The following CD74 variants were observed in gnomAD, a reference collection of about 807,000 sequenced individuals.
The protein encoded by CD74 is CD74 molecule, also known as HLA class II histocompatibility antigen gamma chain.
In CD74, 20 loss-of-function variants were observed where a neutral mutation model predicts 37.1. The ratio of observed to expected loss-of-function variants is 0.54; its 90% CI spans 0.38 to 0.78. The LOEUF is 0.78. CD74 is among the 30% of genes least tolerant of loss of function. The pLI, the probability that CD74 is intolerant of heterozygous loss-of-function variation, is 0.00. For missense variants in CD74, 338 were observed against 389.5 expected (o/e 0.87, Z 1.11); for synonymous variants, 150 against 152.0 (o/e 0.99, Z 0.10).
At position 150,403,350 on chromosome 5, in the gene CD74, T is replaced by C. The variant is rs771333988; in HGVS notation, c.626-38A>G. 2.0e-5 allele frequency: 32 copies of C among 1,581,354 alleles called. No homozygotes were observed. Among genetic ancestry groups the C allele is most frequent in the Admixed American group, 3.3e-5 (2 of 59,936 alleles). ...GCATGATGAGGACACAGTGAGTGAG[T>C]GAGCTCTGAACCAGGGTCTGAGCAG... On this transcript the variant is annotated intron_variant, in intron 6 of 8. Coordinates refer to ENST00000009530, the MANE Select transcript of CD74 (RefSeq NM_001025159.3). This position sits in a 1 kb window ranked among gnomAD's most constrained non-coding sequence, Gnocchi z 4.5.
chr5:150,412,335 T>A (rs536467173), intron 1 of CD74, among the ~76,000 whole-genome samples: 1 of 152,296 alleles, frequency 6.6e-6, no homozygotes, highest in Non-Finnish European at 1.5e-5. Context: ...GCATAGCATG[T>A]GAAACTCTAG....
chr5:150,405,890 T>C (rs1018249653), intron 4 of CD74: 23 of 199,328 alleles, frequency 1.2e-4, no homozygotes, highest in Admixed American at 1.0e-3. Context: ...TTCTCCTGCC[T>C]CAACCTCATG....
At chr5:150,405,035 C>T (rs2151177812) in intron 5 of CD74, 50 bp downstream of exon 5, 2 of 1,555,762 alleles carry the variant, frequency 1.3e-6, no homozygotes, top group East Asian at 2.2e-5. Flanking sequence ...CTAGCCCTGC[C>T]CTAGACACCA....
rs1581254271 is a variant in CD74, at chr5:150,407,081, G to T, written c.298+71C>A. On this transcript the variant is annotated intron_variant, in intron 2 of 8. Coordinates refer to ENST00000009530, the MANE Select transcript of CD74 (RefSeq NM_001025159.3). The surrounding 1 kb of genome is among the most constrained non-coding windows in gnomAD (Gnocchi z 4.4). ...GAGAGGACAGTGGGCCCAGCTGGGT[G>T]CAGGGATGCGGGTCTCTGAGTTGAG... is the stretch of plus-strand genomic sequence containing the variant. The T allele has an allele frequency of 2.5e-6, 4 of 1,570,528 alleles. No homozygotes were observed. Among genetic ancestry groups the T allele is most frequent in the Middle Eastern group, 1.7e-4 (1 of 5,888 alleles).
rs1769977530 is a variant in CD74, at chr5:150,406,633, T to C, written c.378+248A>G. 7 of 587,332 alleles carry C rather than the reference T, an allele frequency of 1.2e-5. No homozygotes were observed. In the South Asian group the frequency reaches 1.5e-4, roughly 12 times the overall value. 36.4% of individuals were successfully genotyped at this position (587,332 alleles called of 1,614,324 possible). ...AATGGGAGAGGACAGTGAGATGCTA[T>C]AGGAAATGAGAAGCACTTTGTAAAC... On this transcript the variant is annotated intron_variant, in intron 3 of 8. Coordinates refer to ENST00000009530, the MANE Select transcript of CD74 (RefSeq NM_001025159.3).
Position 150,407,063 on chromosome 5 carries a change from C to G in CD74, c.298+89G>C. ...GGAATTCCAAACCGGAGGGAGAGGA[C>G]AGTGGGCCCAGCTGGGTGCAGGGAT... On this transcript the variant is annotated intron_variant, in intron 2 of 8. Coordinates refer to ENST00000009530, the MANE Select transcript of CD74 (RefSeq NM_001025159.3). This position sits in a 1 kb window ranked among gnomAD's most constrained non-coding sequence, Gnocchi z 4.4. The G allele has an allele frequency of 6.5e-7, 1 of 1,549,934 alleles. No individual in the cohort carries two copies.
At chr5:150,406,764 C>T (rs1194968205) in intron 3 of CD74, 117 bp downstream of exon 3, 3 of 666,694 alleles carry the variant, frequency 4.5e-6, no homozygotes, top group East Asian at 5.6e-5. Flanking sequence ...ACTGTCCCTC[C>T]CGCAGCAGTC....
chr5:150,402,893 G>A lies in CD74; in HGVS notation c.817+228C>T, dbSNP rs1769721846. 6.6e-6 allele frequency among the ~76,000 whole-genome samples: 1 copy of A among 152,164 alleles called. No individual in the cohort carries two copies. Among genetic ancestry groups the A allele is most frequent in the Non-Finnish European group, 1.5e-5 (1 of 68,034 alleles). ...GAAATTCACAGATGAAAGGACTGAC[G>A]GATAAGTGAACAAATATGAGTGCAT... On this transcript the variant is annotated intron_variant, in intron 7 of 8. Transcript: ENST00000009530. The surrounding 1 kb of genome is among the most constrained non-coding windows in gnomAD (Gnocchi z 4.2).
At chr5:150,412,192 T>G (rs2151186845) in intron 1 of CD74, among the ~76,000 whole-genome samples, 1 of 152,366 alleles carries the variant, frequency 6.6e-6, no homozygotes, top group East Asian at 1.9e-4. Context: ...CTCGAACTCC[T>G]GGCCTCAGCT....
In CD74 at chr5:150,407,653, G is replaced by A. The variant is rs935684022; in HGVS notation, c.126-329C>T. Among the ~76,000 whole-genome samples the A allele has an allele frequency of 6.6e-6, 1 of 152,196 alleles. No individual in the cohort carries two copies. The highest frequency in any genetic ancestry group is 2.4e-5 in the African/African-American group (1 of 41,434). On this transcript the variant is annotated intron_variant, in intron 1 of 8. Transcript: ENST00000009530. The surrounding 1 kb of genome is among the most constrained non-coding windows in gnomAD (Gnocchi z 4.4). ...CTTAGGGTCCTGCCTGTGCGATGAG[G>A]GGTTGAGGTGGGGGGGTCTTCCCAG...
At chr5:150,404,654 C>G (rs1769843102) in intron 6 of CD74, 26 bp downstream of exon 6, 1 of 1,480,922 alleles carries the variant, frequency 6.8e-7, no homozygotes, top group Non-Finnish European at 9.2e-7. Flanking sequence ...GAAGCCCTGG[C>G]ACGCTAAAGC....
Position 150,401,714 on chromosome 5 carries a change from A to AC in CD74, c.*525dup, listed in dbSNP as rs1219632772. 24 of 568,806 alleles carry AC rather than the reference A, an allele frequency of 4.2e-5. No individual in the cohort carries two copies. Among genetic ancestry groups the AC allele is most frequent in the Admixed American group, 3.4e-4 (11 of 32,256 alleles). 35.2% of individuals were successfully genotyped at this position (568,806 alleles called of 1,614,324 possible). Reference sequence around the variant, plus strand: ...TAACAAGCTTGGCTGAGCAGAGGGAACTAGGGGTCGGCAGAAAGGATTATG... The same window carrying AC: ...TAACAAGCTTGGCTGAGCAGAGGGAACCTAGGGGTCGGCAGAAAGGATTATG... On this transcript the variant is annotated 3_prime_UTR_variant, in exon 9 of 9. Coordinates refer to ENST00000009530, the MANE Select transcript of CD74 (RefSeq NM_001025159.3).
Position 150,412,643 on chromosome 5 carries a change from C to T in CD74, c.107G>A (p.Arg36His), listed in dbSNP as rs1455361392. 3.1e-6 allele frequency: 5 copies of T among 1,613,426 alleles called. No homozygotes were observed. The highest frequency in any genetic ancestry group is 1.3e-5 in the African/African-American group (1 of 75,030). The change falls in exon 1 of 9, where the codon CGC (arginine) becomes CAC (histidine). Residue 36 changes from arginine (R) to histidine (H), a missense_variant. Transcript: ENST00000009530. ...CACATACCTCTCCGGGGCCCCAGGG[C>T]GCCGGCCCAGCATGGGCAGTTGCTC... ...NNEQLPMLGR[R>H]PGAPESKCSR...
chr5:150,407,001 C>A lies in CD74; in HGVS notation c.299-41G>T. On this transcript the variant is annotated intron_variant, in intron 2 of 8. Coordinates refer to ENST00000009530, the MANE Select transcript of CD74 (RefSeq NM_001025159.3). The surrounding 1 kb of genome is among the most constrained non-coding windows in gnomAD (Gnocchi z 4.4). ...CGAGGGTAAGTGTGGCCCCGGTGCC[C>A]AGGGAGGAGGGTATCAGACCCAGAT... 6.4e-7 allele frequency: 1 copy of A among 1,553,920 alleles called. No individual in the cohort carries two copies. The highest frequency in any genetic ancestry group is 8.7e-7 in the Non-Finnish European group (1 of 1,145,124).
In CD74 at chr5:150,403,318, G is replaced by T. The variant is rs2151170379; in HGVS notation, c.626-6C>A. 6.2e-7 allele frequency: 1 copy of T among 1,613,822 alleles called. No homozygotes were observed. On this transcript the variant is annotated splice_region_variant and splice_polypyrimidine_tract_variant and intron_variant, in intron 6 of 8. Coordinates refer to ENST00000009530, the MANE Select transcript of CD74 (RefSeq NM_001025159.3). The surrounding 1 kb of genome is among the most constrained non-coding windows in gnomAD (Gnocchi z 4.5). ...TTCCTGGCACTTGGTCAGTACTGAAGCGACAGGCATGATGAGGACACAGTG... is the reference window on the plus strand; with the variant it reads ...TTCCTGGCACTTGGTCAGTACTGAATCGACAGGCATGATGAGGACACAGTG...
At chr5:150,406,844 A>C in intron 3 of CD74, 37 bp downstream of exon 3, 2 of 1,349,726 alleles carry the variant, frequency 1.5e-6, no homozygotes, top group South Asian at 1.6e-5. Flanking sequence ...CAGGCGGGAT[A>C]ACCTTGCCCC....
At chr5:150,405,326 T>TGGGAG (rs1297961573) in intron 4 of CD74, 146 bp from the exon 5 acceptor site, 7 of 1,365,830 alleles carry the variant, frequency 5.1e-6, no homozygotes, top group African/African-American at 3.0e-5. Flanking sequence ...TCAGCCATGA[T>TGGGAG]GGGAGGGGAG....
At position 150,402,499 on chromosome 5, in the gene CD74, A is replaced by C; in HGVS notation, c.880+64T>G. ...GCGTCACACTCCTTCACCTGCCCAC[A>C]AAGGAGCTGGCCCTGCTGGGGATGA... On this transcript the variant is annotated intron_variant, in intron 8 of 8. Coordinates refer to ENST00000009530, the MANE Select transcript of CD74 (RefSeq NM_001025159.3). This position sits in a 1 kb window ranked among gnomAD's most constrained non-coding sequence, Gnocchi z 4.2. 7.2e-7 allele frequency: 1 copy of C among 1,391,328 alleles called. No homozygotes were observed. The highest frequency in any genetic ancestry group is 1.0e-6 in the Non-Finnish European group (1 of 976,340). 86.2% of individuals were successfully genotyped at this position (1,391,328 alleles called of 1,614,324 possible). A position where few individuals can be genotyped will look rare whatever the true frequency, so the allele number is the denominator to read the frequency against.
Position 150,403,109 on chromosome 5 carries a change from G to GCCA in CD74, c.817+9_817+11dup, listed in dbSNP as rs969863366. 2 of 1,608,000 alleles carry GCCA rather than the reference G, an allele frequency of 1.2e-6. No individual in the cohort carries two copies. Among genetic ancestry groups the GCCA allele is most frequent in the African/African-American group, 2.7e-5 (2 of 74,792 alleles). ...CCTGGTCCTCTGACACTGGCACAGT[G>GCCA]CCACTGCTTACCACTGCAGTTATGG... On this transcript the variant is annotated intron_variant, in intron 7 of 8. Coordinates refer to ENST00000009530, the MANE Select transcript of CD74 (RefSeq NM_001025159.3). The surrounding 1 kb of genome is among the most constrained non-coding windows in gnomAD (Gnocchi z 4.5).
Sources: gnomAD v4.1 joint callset for allele counts (sites outside exome capture counted in the v4.1 genomes callset) on GRCh38, gnomAD v4.1.1 for gene constraint, Gnocchi (gnomAD v3.1) non-coding constraint, MANE v1.5 for transcripts, NCBI Gene and HGNC (gene_info 2026-07-23, HGNC 2026-07-21) for gene names.